Variants in STEAP1B observed in about 807,000 individuals in gnomAD.
STEAP1B encodes STEAP family member 1B.
A neutral mutation model predicts 27.9 loss-of-function variants in STEAP1B; 13 were observed. The ratio of observed to expected loss-of-function variants is 0.47; its 90% CI spans 0.30 to 0.74. The LOEUF (loss-of-function observed/expected upper bound fraction) is 0.74, where lower values mean the gene tolerates loss of function less well. Among genes scored for constraint, STEAP1B ranks in the 30% least tolerant of loss-of-function variants. The probability of loss-of-function intolerance (pLI) is 0.06; values close to 1 mark genes in which losing one functional copy is unlikely to be tolerated. For synonymous variants in STEAP1B, 86 were observed against 107.1 expected, an observed-to-expected ratio of 0.80 and a Z score of 1.22; for missense variants, 250 against 298.7, an observed-to-expected ratio of 0.84 and a Z score of 1.20.
At chr7:22,489,016 T>C (rs1421903548) in intron 4 of STEAP1B, among the ~76,000 whole-genome samples, 1 of 152,140 alleles carries the variant, frequency 6.6e-6, no homozygotes, top group Non-Finnish European at 1.5e-5. Context: ...CAAGGCTTTT[T>C]ACTGGGAATG....
In STEAP1B at chr7:22,476,123, T is replaced by C. The variant is rs984677040; in HGVS notation, c.762+16442A>G. 2.6e-4 allele frequency among the ~76,000 whole-genome samples: 39 copies of C among 152,206 alleles called. 1 individual carries two copies. Among genetic ancestry groups the C allele is most frequent in the African/African-American group, 4.8e-5 (2 of 41,454 alleles). ...TGTGAGCCACTGCACTGGTCTGAGC[T>C]GGGCTTCATGTCCCATTTCAGGCAG... On this transcript the variant is annotated intron_variant, in intron 4 of 4. Transcript: ENST00000678116.
At chr7:22,467,570 T>C (rs1785806517) in intron 4 of STEAP1B, among the ~76,000 whole-genome samples, 1 of 152,212 alleles carries the variant, frequency 6.6e-6, no homozygotes, top group Admixed American at 6.5e-5. Flanking sequence ...TAATTGAATT[T>C]TGGGGGCGAT....
At chr7:22,450,476 G>T (rs532160029) in intron 4 of STEAP1B, among the ~76,000 whole-genome samples, 29 of 152,246 alleles carry the variant, frequency 1.9e-4, no homozygotes, top group Admixed American at 1.9e-3. Context: ...TTGAAAATAA[G>T]TTCACTGTAG....
At chr7:22,447,124 T>C (rs928692928) in intron 4 of STEAP1B, among the ~76,000 whole-genome samples, 5 of 152,172 alleles carry the variant, frequency 3.3e-5, no homozygotes, top group Non-Finnish European at 4.4e-5. Context: ...TAGAAGCAGC[T>C]CTAATTTAGC....
Position 22,450,460 on chromosome 7 carries a change from C to A in STEAP1B, c.763-30624G>T, listed in dbSNP as rs373733161. 7.6e-4 allele frequency among the ~76,000 whole-genome samples: 115 copies of A among 152,264 alleles called. 1 individual carries two copies. Among genetic ancestry groups the A allele is most frequent in the African/African-American group, 2.3e-3 (96 of 41,572 alleles). On this transcript the variant is annotated intron_variant, in intron 4 of 4. Coordinates refer to ENST00000678116, the MANE Select transcript of STEAP1B (RefSeq NM_001382447.1). The stretch of plus-strand genomic sequence containing the variant: ...TTTTTCCCAGTATATGTTCTTGGCA[C>A]CCTTGTTGAAAATAAGTTCACTGTA...
chr7:22,464,073 T>C (rs1425708073), intron 4 of STEAP1B, among the ~76,000 whole-genome samples: 1 of 152,222 alleles, frequency 6.6e-6, no homozygotes, highest in Non-Finnish European at 1.5e-5. Context: ...AAAGGGCTAA[T>C]ATCCAGAATC....
chr7:22,465,998 T>G (rs73268543), intron 4 of STEAP1B, among the ~76,000 whole-genome samples: 275 of 152,282 alleles, frequency 1.8e-3, no homozygotes, highest in African/African-American at 6.4e-3. Flanking sequence ...TGATAAGGAA[T>G]GAATCTTCAG....
chr7:22,433,880 C>T (rs183559793), intron 4 of STEAP1B, among the ~76,000 whole-genome samples: 3 of 152,266 alleles, frequency 2.0e-5, no homozygotes, highest in Admixed American at 1.3e-4. Context: ...CATCCACCAC[C>T]GATCACGTTC....
intron 4 of STEAP1B, among the ~76,000 whole-genome samples, chr7:22,420,899 A>G (rs1406550207): frequency 6.6e-6 from 1 of 152,094 alleles, no homozygotes; most frequent in African/African-American, 2.4e-5. Flanking sequence ...TAGGGAAATT[A>G]TCCCAGACCC....
chr7:22,447,278 G>T (rs28464723), intron 4 of STEAP1B, among the ~76,000 whole-genome samples: 24,624 of 152,166 alleles, frequency 0.16, 2,069 homozygotes, highest in Non-Finnish European at 0.18. Flanking sequence ...CTTATTAAAT[G>T]CCAGGCCAAC....
chr7:22,474,795 C>T lies in STEAP1B; in HGVS notation c.762+17770G>A, dbSNP rs543028859. Among the ~76,000 whole-genome samples the T allele has an allele frequency of 3.3e-5, 5 of 152,256 alleles. No homozygotes were observed. In the East Asian group the frequency reaches 5.8e-4, roughly 18 times the overall value. On this transcript the variant is annotated intron_variant, in intron 4 of 4. Coordinates refer to ENST00000678116, the MANE Select transcript of STEAP1B (RefSeq NM_001382447.1). ...CTCAACTTGGATAGAGCTCCAATCG[C>T]CTCTCCCTGACAGCTCACCCATGCC...
chr7:22,475,896 C>A (rs1354065945), intron 4 of STEAP1B, among the ~76,000 whole-genome samples: 4 of 152,166 alleles, frequency 2.6e-5, no homozygotes, highest in African/African-American at 7.2e-5. Flanking sequence ...AACTGTCTGC[C>A]TTTTTTAAGC....
chr7:22,491,514 A>C (rs1786321029), intron 4 of STEAP1B, among the ~76,000 whole-genome samples: 1 of 152,236 alleles, frequency 6.6e-6, no homozygotes, highest in South Asian at 2.1e-4. Flanking sequence ...TGACTATAGA[A>C]ATCTATATGG....
intron 1 of STEAP1B, among the ~76,000 whole-genome samples, chr7:22,498,225 C>T (rs946624417): frequency 1.5e-4 from 23 of 151,638 alleles, no homozygotes; most frequent in Middle Eastern, 3.4e-3. Context: ...CCTGCACTAA[C>T]GTGACAACAG....
intron 4 of STEAP1B, among the ~76,000 whole-genome samples, chr7:22,456,458 TA>T (rs1339301107): frequency 1.3e-5 from 2 of 152,222 alleles, no homozygotes; most frequent in African/African-American, 4.8e-5. Context: ...CAACCATTCT[TA>T]TTCATCTTTA....
intron 4 of STEAP1B, chr7:22,438,588 G>T (rs2528843): frequency 0.44 from 687,816 of 1,551,730 alleles, 153,827 homozygotes; most frequent in East Asian, 0.58. Context: ...TTGAAGGGCT[G>T]GCTGCTGATA....
intron 4 of STEAP1B, chr7:22,438,313 C>T (rs1388079344): frequency 1.2e-5 from 9 of 730,428 alleles, no homozygotes; most frequent in Admixed American, 3.0e-5. Flanking sequence ...TGCAGTTTTT[C>T]GCACTTGTCC....
chr7:22,424,488 A>G (rs1335872222), intron 4 of STEAP1B, among the ~76,000 whole-genome samples: 1 of 152,238 alleles, frequency 6.6e-6, no homozygotes, highest in Admixed American at 6.5e-5. Context: ...AATATATTTT[A>G]AGAACATTAT....
intron 4 of STEAP1B, among the ~76,000 whole-genome samples, chr7:22,430,961 A>C (rs1785180021): frequency 6.6e-6 from 1 of 152,182 alleles, no homozygotes; most frequent in African/African-American, 2.4e-5. Flanking sequence ...TCTCCCTGTC[A>C]CTGACATTGC....
Sources: gnomAD v4.1 joint callset for allele counts (sites outside exome capture counted in the v4.1 genomes callset) on GRCh38, gnomAD v4.1.1 for gene constraint, MANE v1.5 for transcripts, NCBI Gene and HGNC (gene_info 2026-07-23, HGNC 2026-07-21) for gene names.